Variants in TTC23 observed in about 807,000 individuals in gnomAD.
TTC23 encodes tetratricopeptide repeat protein 23.
Under a neutral mutation model 55.1 loss-of-function variants are expected in TTC23, and 58 were observed. The observed-to-expected ratio is 1.05, with a 90% CI of 0.85 to 1.31. The LOEUF (loss-of-function observed/expected upper bound fraction) is 1.31, where lower values mean the gene tolerates loss of function less well. Among genes scored for constraint, TTC23 ranks in the 50% most tolerant of loss-of-function variants. The pLI is 0.00. For missense variants in TTC23, 516 were observed against 534.4 expected (o/e 0.97, Z 0.34); for synonymous variants, 203 against 199.9 (o/e 1.02, Z -0.13).
chr15:99,201,435 G>C (rs1474985384), intron 8 of TTC23, among the ~76,000 whole-genome samples: 1 of 152,096 alleles, frequency 6.6e-6, no homozygotes, highest in African/African-American at 2.4e-5. Context: ...AAGGCCTTGT[G>C]ATTCCCAAAC....
intron 6 of TTC23, among the ~76,000 whole-genome samples, chr15:99,221,159 A>G (rs903236923): frequency 1.3e-5 from 2 of 152,208 alleles, no homozygotes; most frequent in Non-Finnish European, 2.9e-5. Flanking sequence ...TGTTGCCACC[A>G]TGTGGGCAAA....
chr15:99,164,345 T>C (rs1322062221), intron 10 of TTC23, among the ~76,000 whole-genome samples: 1 of 152,210 alleles, frequency 6.6e-6, no homozygotes, highest in Non-Finnish European at 1.5e-5. Context: ...CAAAAACAGG[T>C]GGTGAGCAAA....
At chr15:99,156,058 C>A (rs1045274528) in intron 12 of TTC23, 90 bp downstream of exon 12, 1 of 1,555,960 alleles carries the variant, frequency 6.4e-7, no homozygotes, top group Non-Finnish European at 8.8e-7. Flanking sequence ...TCTAAAGTTT[C>A]ATTTAAAAGA....
intron 10 of TTC23, among the ~76,000 whole-genome samples, chr15:99,174,416 C>T (rs2073294870): frequency 6.6e-6 from 1 of 151,864 alleles, no homozygotes. Flanking sequence ...GGAATACACC[C>T]CTAGGTCTTC....
chr15:99,171,897 A>T (rs1353468394), intron 10 of TTC23, among the ~76,000 whole-genome samples: 1 of 151,828 alleles, frequency 6.6e-6, no homozygotes, highest in Non-Finnish European at 1.5e-5. Context: ...TTCTGCTTCA[A>T]GCAACCAATC....
At chr15:99,148,478 T>G (rs2069264339) in intron 12 of TTC23, 1 of 151,460 alleles carries the variant, frequency 6.6e-6, no homozygotes, top group African/African-American at 2.4e-5. Context: ...TTAGTGGGCT[T>G]TGAGTTTTTG....
intron 13 of TTC23, 35 bp downstream of exon 13, chr15:99,139,282 A>G (rs2067932719): frequency 6.3e-7 from 1 of 1,578,120 alleles, no homozygotes; most frequent in Admixed American, 1.7e-5. Flanking sequence ...TGGAAAGGGA[A>G]TGAGATAGAG....
At chr15:99,232,004 C>A (rs1178806777) in intron 4 of TTC23, among the ~76,000 whole-genome samples, 2 of 150,570 alleles carry the variant, frequency 1.3e-5, no homozygotes, top group African/African-American at 2.4e-5. Flanking sequence ...GTTGGTCAGG[C>A]TGCTCTGGAA....
At chr15:99,219,154 C>G in intron 6 of TTC23, 106 bp from the exon 7 acceptor site, 1 of 1,277,672 alleles carries the variant, frequency 7.8e-7, no homozygotes, top group Non-Finnish European at 1.1e-6. Flanking sequence ...CACATATTGT[C>G]AAATGACACA....
intron 10 of TTC23, among the ~76,000 whole-genome samples, chr15:99,162,179 A>G (rs1464739344): frequency 6.6e-6 from 1 of 152,194 alleles, no homozygotes; most frequent in African/African-American, 2.4e-5. Flanking sequence ...AGGTTGATCA[A>G]CCACTAATTC....
intron 8 of TTC23, among the ~76,000 whole-genome samples, chr15:99,214,632 T>C (rs1263920475): frequency 6.6e-6 from 1 of 151,906 alleles, no homozygotes; most frequent in Non-Finnish European, 1.5e-5. Flanking sequence ...TCTCCCCATC[T>C]TGCCTAGGCT....
Position 99,249,334 on chromosome 15 carries a change from C to T in TTC23, c.-594G>A, listed in dbSNP as rs1248857479. 1 of 152,052 alleles carries T rather than the reference C, an allele frequency of 6.6e-6. No individual in the cohort carries two copies. Among genetic ancestry groups the T allele is most frequent in the Non-Finnish European group, 1.5e-5 (1 of 68,020 alleles). 9.4% of individuals were successfully genotyped at this position (152,052 alleles called of 1,614,324 possible). Reference sequence around the variant, plus strand: ...CACTCCTTTAAAACTTGTAAAAAACCGGAAAAGTTTCTGTAACTCTCCAAT... The same window carrying T: ...CACTCCTTTAAAACTTGTAAAAAACTGGAAAAGTTTCTGTAACTCTCCAAT... On this transcript the variant is annotated 5_prime_UTR_variant, in exon 1 of 14. Transcript: ENST00000394132.
In TTC23 at chr15:99,156,299, T is replaced by C. The variant is rs776380639; in HGVS notation, c.994-2A>G. ...CTCTCTCAGGATCGAGGTTGCTCTCTGTGAAAGGAACAAAAAGCTATCTGG... is the reference window on the plus strand; with the variant it reads ...CTCTCTCAGGATCGAGGTTGCTCTCCGTGAAAGGAACAAAAAGCTATCTGG... On this transcript the variant is annotated splice_acceptor_variant, in intron 11 of 13. Coordinates refer to ENST00000394132, the MANE Select transcript of TTC23 (RefSeq NM_001288615.3). LOFTEE classifies it high-confidence loss of function. 4.6e-5 allele frequency: 74 copies of C among 1,613,650 alleles called. No individual in the cohort carries two copies. The highest frequency in any genetic ancestry group is 5.5e-5 in the Non-Finnish European group (65 of 1,179,746).
At chr15:99,143,768 T>A (rs1437379745) in intron 12 of TTC23, among the ~76,000 whole-genome samples, 1 of 152,262 alleles carries the variant, frequency 6.6e-6, no homozygotes, top group African/African-American at 2.4e-5. Flanking sequence ...TCTGCTTTTA[T>A]ACCAGCCTGC....
At position 99,144,486 on chromosome 15, in the gene TTC23, G is replaced by A. The variant is rs565389306; in HGVS notation, c.1144-5087C>T. 4 of 152,220 alleles carry A rather than the reference G, an allele frequency of 2.6e-5. No individual in the cohort carries two copies. In the East Asian group the frequency reaches 5.8e-4, roughly 22 times the overall value. 9.4% of individuals were successfully genotyped at this position (152,220 alleles called of 1,614,324 possible). A position where few individuals can be genotyped will look rare whatever the true frequency, so the allele number is the denominator to read the frequency against. ...TAGCAGCATCCTGCAGAAGTAGATTGGTGGTGTCTCCCTTCCTCCCTTAAC... is the reference window on the plus strand; with the variant it reads ...TAGCAGCATCCTGCAGAAGTAGATTAGTGGTGTCTCCCTTCCTCCCTTAAC... On this transcript the variant is annotated intron_variant, in intron 12 of 13. Transcript: ENST00000394132.
At chr15:99,157,780 A>G (rs536101795) in intron 11 of TTC23, 2 of 152,356 alleles carry the variant, frequency 1.3e-5, no homozygotes, top group South Asian at 4.1e-4. Flanking sequence ...ATTTCCTGAT[A>G]TTAGCTTCTT....
At chr15:99,159,529 G>A (rs958858332) in intron 11 of TTC23, 1 of 152,370 alleles carries the variant, frequency 6.6e-6, no homozygotes, top group Non-Finnish European at 1.5e-5. Context: ...GCATTGGCCT[G>A]GAGATGAATG....
intron 1 of TTC23, among the ~76,000 whole-genome samples, chr15:99,247,332 T>C (rs1163164326): frequency 2.0e-5 from 3 of 152,136 alleles, no homozygotes; most frequent in African/African-American, 7.2e-5. Flanking sequence ...CCAAGAAAAC[T>C]GAAAACACAC....
chr15:99,156,806 C>T (rs1383276467), intron 11 of TTC23, among the ~76,000 whole-genome samples: 2 of 152,142 alleles, frequency 1.3e-5, no homozygotes, highest in Admixed American at 6.5e-5. Flanking sequence ...AGTCAGGAAA[C>T]AACACGAATG....
Sources: allele counts gnomAD v4.1 joint callset (sites outside exome capture counted in the v4.1 genomes callset), GRCh38; gene constraint gnomAD v4.1.1; transcripts MANE v1.5; gene names NCBI Gene and HGNC (gene_info 2026-07-23, HGNC 2026-07-21).